SASH1: variants seen among roughly 807,000 people sequenced by gnomAD.
SASH1 encodes SAM and SH3 domain-containing protein 1.
A neutral mutation model predicts 125.2 loss-of-function variants in SASH1; 44 were observed. The observed-to-expected ratio is 0.35, with a 90% confidence interval of 0.28 to 0.45. The LOEUF is 0.45. SASH1 is among the 20% of genes least tolerant of loss of function. The probability of loss-of-function intolerance (pLI) is 1.00; values close to 1 mark genes in which losing one functional copy is unlikely to be tolerated. For synonymous variants in SASH1, 639 were observed against 649.1 expected (o/e 0.98, Z 0.24); for missense variants, 1,426 against 1,614.5 (o/e 0.88, Z 2.00).
intron 8 of SASH1, among the ~76,000 whole-genome samples, chr6:148,492,420 C>T (rs1342077498): frequency 6.6e-6 from 1 of 152,156 alleles, no homozygotes; most frequent in Non-Finnish European, 1.5e-5. Context: ...TTATGGAGCC[C>T]TTGCTATATA....
At chr6:148,355,985 TAC>T (rs1377715756) in intron 1 of SASH1, among the ~76,000 whole-genome samples, 1 of 152,024 alleles carries the variant, frequency 6.6e-6, no homozygotes, top group Non-Finnish European at 1.5e-5. Flanking sequence ...TTGAGGAGTG[TAC>T]ACAGCACTCA....
At chr6:148,432,171 C>G (rs1396527659) in intron 2 of SASH1, among the ~76,000 whole-genome samples, 4 of 152,118 alleles carry the variant, frequency 2.6e-5, no homozygotes, top group Non-Finnish European at 5.9e-5. Flanking sequence ...GATGGGGTTT[C>G]TCCATGTTGG....
chr6:148,492,639 G>T (rs1056988084), intron 8 of SASH1, among the ~76,000 whole-genome samples: 1 of 151,900 alleles, frequency 6.6e-6, no homozygotes, highest in African/African-American at 2.4e-5. Flanking sequence ...CCAACATGGT[G>T]AAACCCGGTC....
chr6:148,296,337 G>T (rs898618366), intron 1 of SASH1, among the ~76,000 whole-genome samples: 4 of 152,108 alleles, frequency 2.6e-5, no homozygotes, highest in Admixed American at 6.5e-5. Context: ...TGTTGGCCAG[G>T]CTGGTCTCAA....
the SASH1 span, among the ~76,000 whole-genome samples, chr6:148,231,993 G>T: frequency 2.6e-5 from 4 of 151,644 alleles, no homozygotes; most frequent in Admixed American, 6.6e-5. Context: ...TGCTAGATAA[G>T]GAAAAAGGCT....
chr6:148,343,265 G>T lies in SASH1; in HGVS notation c.156+42G>T, dbSNP rs550449328. On this transcript the variant is annotated intron_variant, in intron 1 of 19. Transcript: ENST00000367467. ...GGGGGCGGCGCAGGAAGTACAGTTC[G>T]CAGCAGCCCCTCTGAAACCGGGGGC... 7.1e-6 allele frequency: 11 copies of T among 1,538,686 alleles called. No individual in the cohort carries two copies. In the African/African-American group the frequency reaches 1.1e-4, roughly 16 times the overall value.
intron 2 of SASH1, among the ~76,000 whole-genome samples, chr6:148,424,246 G>GTC (rs1481024294): frequency 6.1e-4 from 89 of 145,704 alleles, no homozygotes; most frequent in Non-Finnish European, 1.2e-3. Flanking sequence ...TTTTTTTTTG[G>GTC]GGGGGGGAGG....
chr6:148,379,733 A>C (rs1178827622), intron 1 of SASH1, among the ~76,000 whole-genome samples: 1 of 152,242 alleles, frequency 6.6e-6, no homozygotes, highest in Non-Finnish European at 1.5e-5. Flanking sequence ...ATCCATTCCC[A>C]GTTTTCATAA....
intron 1 of SASH1, among the ~76,000 whole-genome samples, chr6:148,285,959 A>C (rs1033862965): frequency 7.2e-5 from 11 of 152,214 alleles, no homozygotes; most frequent in African/African-American, 2.7e-4. Flanking sequence ...TAGTTCTATA[A>C]GGAACTTTAG....
intron 2 of SASH1, among the ~76,000 whole-genome samples, chr6:148,412,764 C>A (rs768166980): frequency 6.6e-6 from 1 of 152,124 alleles, no homozygotes; most frequent in Non-Finnish European, 1.5e-5. Context: ...ACCTCCACCA[C>A]TGGGGATCAC....
At chr6:148,541,117 G>T (rs1160317649) in intron 17 of SASH1, among the ~76,000 whole-genome samples, 1 of 151,950 alleles carries the variant, frequency 6.6e-6, no homozygotes, top group Non-Finnish European at 1.5e-5. Context: ...ACCATGGATG[G>T]CTTTGTGGTT....
intron 1 of SASH1, among the ~76,000 whole-genome samples, chr6:148,308,580 G>A (rs975862961): frequency 3.3e-4 from 50 of 151,314 alleles, no homozygotes; most frequent in African/African-American, 1.2e-3. Context: ...ATTTTTAGTA[G>A]AGATAGGGTT....
At chr6:148,354,701 A>G (rs1781858408) in intron 1 of SASH1, among the ~76,000 whole-genome samples, 1 of 152,162 alleles carries the variant, frequency 6.6e-6, no homozygotes, top group Non-Finnish European at 1.5e-5. Context: ...AGAAAATGGG[A>G]CTCATTGTGG....
At position 148,273,308 on chromosome 6, in the gene SASH1, T is replaced by TG. The variant is rs1466707429; in HGVS notation, n.74+931_74+932insG. Reference sequence around the variant, plus strand: ...TTTTTCTTTCTTTCTTTTTTTTTTTTTTTGAGACAGAGTCTCCCTCTGTCA... The same window carrying TG: ...TTTTTCTTTCTTTCTTTTTTTTTTTTGTTTGAGACAGAGTCTCCCTCTGTCA... On this transcript the variant is annotated intron_variant and non_coding_transcript_variant, in intron 1 of 3. Transcript: ENST00000367469. Among the ~76,000 whole-genome samples the TG allele has an allele frequency of 3.3e-5, 5 of 150,508 alleles. No homozygotes were observed. In the East Asian group the frequency reaches 9.7e-4, roughly 29 times the overall value.
chr6:148,469,568 A>G (rs879138251), intron 5 of SASH1, among the ~76,000 whole-genome samples: 1 of 152,050 alleles, frequency 6.6e-6, no homozygotes, highest in East Asian at 1.9e-4. Flanking sequence ...TGCTTTCTCT[A>G]CCAAAAATTT....
At chr6:148,274,408 G>A (rs951250100) in intron 1 of SASH1, among the ~76,000 whole-genome samples, 7 of 152,270 alleles carry the variant, frequency 4.6e-5, no homozygotes, top group South Asian at 2.1e-4. Context: ...CTGGTTGCCC[G>A]CAGTTCTTTA....
At chr6:148,374,043 C>G (rs965293905) in intron 1 of SASH1, among the ~76,000 whole-genome samples, 1 of 152,214 alleles carries the variant, frequency 6.6e-6, no homozygotes, top group African/African-American at 2.4e-5. Flanking sequence ...AATGGAAACA[C>G]ACGGTCCATC....
the SASH1 span, among the ~76,000 whole-genome samples, chr6:148,260,178 C>T: frequency 1.8e-3 from 269 of 152,230 alleles, no homozygotes; most frequent in Middle Eastern, 3.4e-3. Flanking sequence ...AATATATAAT[C>T]TTTTGAAAAT....
At chr6:148,366,495 C>T (rs1197186730) in intron 1 of SASH1, among the ~76,000 whole-genome samples, 1 of 152,114 alleles carries the variant, frequency 6.6e-6, no homozygotes, top group Non-Finnish European at 1.5e-5. Context: ...TGGTGTCTGA[C>T]TTGCAATGTC....
Sources: allele counts gnomAD v4.1 joint callset (sites outside exome capture counted in the v4.1 genomes callset), GRCh38; gene constraint gnomAD v4.1.1; transcripts MANE v1.5; gene names NCBI Gene and HGNC (gene_info 2026-07-23, HGNC 2026-07-21).